ARHGAP25: variants seen among roughly 807,000 people sequenced by gnomAD.
ARHGAP25 encodes the protein rho GTPase-activating protein 25.
Under a neutral mutation model 71.0 loss-of-function variants are expected in ARHGAP25, and 34 were observed. That is an observed-to-expected ratio of 0.48 (90% CI 0.36 to 0.64). The LOEUF (loss-of-function observed/expected upper bound fraction) is 0.64, where lower values mean the gene tolerates loss of function less well. ARHGAP25 is among the 30% of genes least tolerant of loss of function. The pLI, the probability that ARHGAP25 is intolerant of heterozygous loss-of-function variation, is 0.00. For missense variants in ARHGAP25, 706 were observed against 805.1 expected (o/e 0.88, Z 1.49); for synonymous variants, 282 against 296.5 (o/e 0.95, Z 0.50).
chr2:68,727,493 C>T (rs1289225806), intron 2 of ARHGAP25, among the ~76,000 whole-genome samples: 3 of 152,198 alleles, frequency 2.0e-5, no homozygotes, highest in Non-Finnish European at 4.4e-5. Context: ...TGCGGAGCTT[C>T]CATCTGCTGA....
intron 4 of ARHGAP25, among the ~76,000 whole-genome samples, chr2:68,794,334 C>T (rs1679392294): frequency 6.6e-6 from 1 of 152,122 alleles, no homozygotes; most frequent in Admixed American, 6.5e-5. Context: ...AGTTGGCATC[C>T]CTGTTTTGTT....
At chr2:68,780,353 T>C (rs550057770) in intron 2 of ARHGAP25, among the ~76,000 whole-genome samples, 9 of 152,350 alleles carry the variant, frequency 5.9e-5, no homozygotes, top group Admixed American at 1.3e-4. Flanking sequence ...CCTTCTCTCC[T>C]TACCAGACAG....
rs145839401 is a variant in ARHGAP25, at chr2:68,822,655, G to A, written c.1516G>A (p.Val506Ile). The A allele has an allele frequency of 5.1e-4, 821 of 1,614,022 alleles. 3 individuals are homozygous for A. The African/African-American group carries it at 9.7e-3, about 19-fold the overall frequency. ...CCAACGGACTTCCACCTACGATAAC[G>A]TCCCTTCCCTGCCAGGGTCCCCTGG... ...DSQRTSTYDN[V>I]PSLPGSPGEE... is the part of the protein sequence containing the mutation. The change falls in exon 10 of 11, where the codon GTC becomes ATC. Residue 506 changes from valine to isoleucine, a missense_variant. By Grantham distance (29) the Val-to-Ile change is conservative. Transcript: ENST00000409202.
At chr2:68,819,644 T>C (rs896127491) in intron 9 of ARHGAP25, 1 of 557,978 alleles carries the variant, frequency 1.8e-6, no homozygotes, top group African/African-American at 1.9e-5. Flanking sequence ...TATACAACAT[T>C]GTAAATGTTT....
intron 2 of ARHGAP25, among the ~76,000 whole-genome samples, chr2:68,714,381 C>T (rs183077233): frequency 1.2e-4 from 19 of 152,016 alleles, no homozygotes; most frequent in Admixed American, 1.2e-3. Flanking sequence ...CTCTTTTCTT[C>T]TTTATTAGTC....
rs560358645 is a variant in ARHGAP25 at position 68,794,710 on chromosome 2, G to A, written c.466+6754G>A. Among the ~76,000 whole-genome samples, 160 of 152,206 alleles carry A rather than the reference G, an allele frequency of 1.1e-3. 2 individuals carry two copies. The South Asian group carries it at 0.033, about 31-fold the overall frequency. Reference sequence around the variant, plus strand: ...GATTTTTGAGTCTATATTCATCAGGGATATTGGTCTGTAGTTTTCTTTTTT... The same window carrying A: ...GATTTTTGAGTCTATATTCATCAGGAATATTGGTCTGTAGTTTTCTTTTTT... On this transcript the variant is annotated intron_variant, in intron 4 of 10. Coordinates refer to ENST00000409202, the MANE Select transcript of ARHGAP25 (RefSeq NM_001007231.3).
chr2:68,802,707 AAGAGAG>A (rs35124579), intron 4 of ARHGAP25, among the ~76,000 whole-genome samples: 3,399 of 148,236 alleles, frequency 0.023, 131 homozygotes, highest in African/African-American at 0.08. Flanking sequence ...ATAGAGGAGA[AAGAGAG>A]AGAGAGAGAG....
At chr2:68,712,795 G>A (rs1395719522) in intron 2 of ARHGAP25, among the ~76,000 whole-genome samples, 1 of 152,042 alleles carries the variant, frequency 6.6e-6, no homozygotes, top group Non-Finnish European at 1.5e-5. Flanking sequence ...TTTTTGTCAG[G>A]TTTGTCAAAG....
intron 1 of ARHGAP25, among the ~76,000 whole-genome samples, chr2:68,762,594 T>C (rs909443052): frequency 1.3e-5 from 2 of 152,174 alleles, no homozygotes; most frequent in Non-Finnish European, 2.9e-5. Flanking sequence ...CTCATGGTTC[T>C]CCTTCTTTTA....
chr2:68,801,707 G>A (rs1032685874), intron 4 of ARHGAP25, among the ~76,000 whole-genome samples: 4 of 152,074 alleles, frequency 2.6e-5, no homozygotes, highest in African/African-American at 9.7e-5. Flanking sequence ...GCCTTTGAGG[G>A]GTCCACAGTC....
chr2:68,749,719 A>C (rs1176996698), intron 1 of ARHGAP25, among the ~76,000 whole-genome samples: 1 of 152,172 alleles, frequency 6.6e-6, no homozygotes, highest in Non-Finnish European at 1.5e-5. Context: ...TCACCTGCTC[A>C]GGTTCCACTC....
intron 9 of ARHGAP25, among the ~76,000 whole-genome samples, chr2:68,820,687 G>C (rs1681581028): frequency 6.6e-6 from 1 of 152,066 alleles, no homozygotes; most frequent in Non-Finnish European, 1.5e-5. Flanking sequence ...TAATCAAAAA[G>C]ATAGAAAAAG....
At chr2:68,775,834 A>G (rs1197830771) in intron 2 of ARHGAP25, 3 of 373,950 alleles carry the variant, frequency 8.0e-6, no homozygotes, top group East Asian at 7.3e-5. Context: ...GAAATAAACT[A>G]TGAGCAAAAC....
upstream of ARHGAP25, among the ~76,000 whole-genome samples, chr2:68,732,644 G>A (rs1675051727): frequency 1.3e-5 from 2 of 152,096 alleles, no homozygotes; most frequent in Non-Finnish European, 2.9e-5. Flanking sequence ...CAAACACTCC[G>A]GCCCTTCTTC....
chr2:68,743,428 T>C (rs1267674832), intron 1 of ARHGAP25, among the ~76,000 whole-genome samples: 2 of 152,154 alleles, frequency 1.3e-5, no homozygotes, highest in African/African-American at 2.4e-5. Flanking sequence ...GTAGATATAA[T>C]TGTGGGGGAA....
chr2:68,719,857 C>G lies in ARHGAP25; in HGVS notation c.-18+9159C>G, dbSNP rs569815353. 2.0e-5 allele frequency among the ~76,000 whole-genome samples: 3 copies of G among 152,262 alleles called. No individual in the cohort carries two copies. The East Asian group carries it at 5.8e-4, about 29-fold the overall frequency. ...GGTTGGTACCCAGACCCCCATGGGT[C>G]CCAGCCTCTGACCTTCTCTTGGTAC... On this transcript the variant is annotated intron_variant and NMD_transcript_variant, in intron 2 of 7. Coordinates refer to the ARHGAP25 transcript ENST00000463483.
chr2:68,751,411 T>C (rs1676167795), intron 1 of ARHGAP25, among the ~76,000 whole-genome samples: 1 of 152,216 alleles, frequency 6.6e-6, no homozygotes, highest in South Asian at 2.1e-4. Flanking sequence ...CATGTATAAA[T>C]ACAACTAAAG....
chr2:68,732,234 C>G (rs1234207906), upstream of ARHGAP25, among the ~76,000 whole-genome samples: 3 of 152,142 alleles, frequency 2.0e-5, no homozygotes, highest in Admixed American at 2.0e-4. Flanking sequence ...CATCTGATTG[C>G]CTTTCCGCAT....
chr2:68,719,561 G>A (rs1322793519), intron 2 of ARHGAP25, among the ~76,000 whole-genome samples: 1 of 151,662 alleles, frequency 6.6e-6, no homozygotes, highest in Non-Finnish European at 1.5e-5. Flanking sequence ...CTATATACAT[G>A]TAAAGGAACA....
Sources: gnomAD v4.1 joint callset for allele counts (sites outside exome capture counted in the v4.1 genomes callset) on GRCh38, gnomAD v4.1.1 for gene constraint, MANE v1.5 for transcripts, NCBI Gene and HGNC (gene_info 2026-07-23, HGNC 2026-07-21) for gene names.